CA5B: variants seen among roughly 807,000 people sequenced by gnomAD.
CA5B encodes carbonic anhydrase 5B, mitochondrial.
CA5B carries 15 observed loss-of-function variants against 23.1 expected under a neutral mutation model. That is an observed-to-expected ratio of 0.65 (90% confidence interval 0.43 to 1.00). The LOEUF (loss-of-function observed/expected upper bound fraction) is 1.00. CA5B is among the 50% of genes least tolerant of loss of function. The pLI is 0.00. For synonymous variants in CA5B, 84 were observed against 98.5 expected, an observed-to-expected ratio of 0.85 and a Z score of 0.87; for missense variants, 236 against 252.2, an observed-to-expected ratio of 0.94 and a Z score of 0.43.
intron 2 of CA5B, among the ~76,000 whole-genome samples, chrX:15,755,156 A>G (rs950885242): frequency 2.7e-5 from 3 of 112,201 alleles, no homozygotes; most frequent in South Asian, 3.6e-4. Context: ...GGATGCCCCT[A>G]GATTGTCTTT....
At chrX:15,782,402 A>T (rs1281697604) in intron 7 of CA5B, 83 bp from the exon 8 acceptor site, 1 of 934,482 alleles carries the variant, frequency 1.1e-6, no homozygotes, top group African/African-American at 1.9e-5. Context: ...AATGCTCAGA[A>T]TTGTAAAAAT....
chrX:15,784,063 T>G lies in CA5B; in HGVS notation c.*1399T>G, dbSNP rs1264183725. ...CCACCACGCCCAGCTAATTTTTGTA[T>G]TTTTAGTAGAGATGGGGTTTCACTA... On this transcript the variant is annotated 3_prime_UTR_variant, in exon 8 of 8. Coordinates refer to ENST00000318636, the MANE Select transcript of CA5B (RefSeq NM_007220.4). The G allele has an allele frequency of 2.8e-5, 3 of 108,488 alleles. No individual in the cohort carries two copies. The highest frequency in any genetic ancestry group is 5.7e-5 in the Non-Finnish European group (3 of 52,195). 8.9% of individuals were successfully genotyped at this position (108,488 alleles called of 1,213,427 possible). A position where few individuals can be genotyped will look rare whatever the true frequency, so the allele number is the denominator to read the frequency against.
At position 15,785,393 on chromosome X, in the gene CA5B, T is replaced by C. The variant is rs1270542678; in HGVS notation, c.*2729T>C. The C allele has an allele frequency of 1.8e-5, 2 of 112,555 alleles. No individual in the cohort carries two copies. The highest frequency in any genetic ancestry group is 9.4e-5 in the Admixed American group (1 of 10,590). 9.3% of individuals were successfully genotyped at this position (112,555 alleles called of 1,213,427 possible). On this transcript the variant is annotated 3_prime_UTR_variant, in exon 8 of 8. Coordinates refer to ENST00000318636, the MANE Select transcript of CA5B (RefSeq NM_007220.4). ...CAATGTGGATGAACCTTGAAGGCAT[T>C]ATGCCAAGTGAAATAAGCCAGCCAA...
chrX:15,784,263 C>A lies in CA5B; in HGVS notation c.*1599C>A, dbSNP rs919456594. ...ATTATTATTTTGTATTATTTGCACG[C>A]TGTTACATAGTATATAATGATAATG... On this transcript the variant is annotated 3_prime_UTR_variant, in exon 8 of 8. Transcript: ENST00000318636. 2 of 112,368 alleles carry A rather than the reference C, an allele frequency of 1.8e-5. No homozygotes were observed. Among genetic ancestry groups the A allele is most frequent in the African/African-American group, 6.5e-5 (2 of 30,963 alleles). 9.3% of individuals were successfully genotyped at this position (112,368 alleles called of 1,213,427 possible).
intron 1 of CA5B, among the ~76,000 whole-genome samples, chrX:15,740,378 A>G (rs1237402876): frequency 8.9e-6 from 1 of 112,853 alleles, no homozygotes; most frequent in Non-Finnish European, 1.9e-5. Context: ...GTAAGTTTAA[A>G]TAACCAACTC....
At chrX:15,745,523 AT>A (rs1450622616) in intron 1 of CA5B, 2 of 112,664 alleles carry the variant, frequency 1.8e-5, no homozygotes, top group African/African-American at 6.4e-5. Flanking sequence ...TTTTATCACA[AT>A]TTTTAAAAGG....
At chrX:15,765,108 CCTTTG>C (rs1931680725) in intron 3 of CA5B, 1 of 119,135 alleles carries the variant, frequency 8.4e-6, no homozygotes, top group Non-Finnish European at 1.7e-5. Context: ...TAATTTTTTT[CCTTTG>C]CTTGTTGACT....
intron 2 of CA5B, among the ~76,000 whole-genome samples, chrX:15,758,480 T>C (rs1449559829): frequency 9.0e-6 from 1 of 111,626 alleles, no homozygotes; most frequent in Non-Finnish European, 1.9e-5. Context: ...TTTCAGCGTG[T>C]ACATTTTTGG....
intron 5 of CA5B, 55 bp downstream of exon 5, chrX:15,774,452 G>C: frequency 1.0e-6 from 1 of 971,189 alleles, no homozygotes; most frequent in African/African-American, 1.9e-5. Context: ...TGAAAAGATA[G>C]AACAGTATAA....
rs1347953497 is a variant in CA5B at position 15,786,152 on chromosome X, C to G, written c.*3488C>G. On this transcript the variant is annotated 3_prime_UTR_variant, in exon 8 of 8. Coordinates refer to ENST00000318636, the MANE Select transcript of CA5B (RefSeq NM_007220.4). ...AAGTGCTGGGATTACAGGTGTGAGC[C>G]ACTGTGCCTGGCCTTCCTAGCTGTC... 8.9e-6 allele frequency: 1 copy of G among 112,486 alleles called. No homozygotes were observed. Among genetic ancestry groups the G allele is most frequent in the Non-Finnish European group, 1.9e-5 (1 of 53,419 alleles). 9.3% of individuals were successfully genotyped at this position (112,486 alleles called of 1,213,427 possible).
intron 2 of CA5B, among the ~76,000 whole-genome samples, chrX:15,752,679 C>G (rs748250892): frequency 1.5e-3 from 168 of 109,311 alleles, no homozygotes; most frequent in African/African-American, 5.2e-3. Flanking sequence ...GAGCCGAGAT[C>G]GCGCCACTGC....
At chrX:15,752,283 A>G (rs774512335) in intron 2 of CA5B, among the ~76,000 whole-genome samples, 1 of 111,319 alleles carries the variant, frequency 9.0e-6, no homozygotes, top group Non-Finnish European at 1.9e-5. Flanking sequence ...TCAACCCTAT[A>G]TATCGTGATT....
At chrX:15,754,228 C>G (rs1346889555) in intron 2 of CA5B, among the ~76,000 whole-genome samples, 1 of 112,332 alleles carries the variant, frequency 8.9e-6, no homozygotes, top group Non-Finnish European at 1.9e-5. Context: ...CTTACAATTT[C>G]ATTTCTGGTT....
chrX:15,787,400 C>T lies in CA5B; in HGVS notation c.*4736C>T, dbSNP rs1367187330. ...AGTCCAAGGCCACCTGGAGAACTGT[C>T]TTGTACATGGGTTAGGGTAAAGTTG... On this transcript the variant is annotated 3_prime_UTR_variant, in exon 8 of 8. Transcript: ENST00000318636. 9.0e-6 allele frequency: 1 copy of T among 111,716 alleles called. No homozygotes were observed. Among genetic ancestry groups the T allele is most frequent in the Non-Finnish European group, 1.9e-5 (1 of 53,169 alleles). The allele number at this position is 111,716 out of a possible 1,213,427, so 9.2% of individuals were successfully genotyped here.
rs747267826 is a variant in CA5B at position 15,752,994 on chromosome X, C to T, written c.142+2829C>T. On this transcript the variant is annotated intron_variant, in intron 2 of 7. Transcript: ENST00000318636. ...TTTACCTATAGCGTAGAAGCCCCCC[C>T]AACCCCCACCCCAGCTTTGAGCTGT... is the stretch of plus-strand genomic sequence containing the variant. Among the ~76,000 whole-genome samples, 4 of 111,476 alleles carry T rather than the reference C, an allele frequency of 3.6e-5. No homozygotes were observed. The South Asian group carries it at 1.5e-3, about 42-fold the overall frequency.
intron 1 of CA5B, among the ~76,000 whole-genome samples, chrX:15,748,477 A>G (rs866468864): frequency 9.8e-5 from 11 of 111,825 alleles, no homozygotes; most frequent in Middle Eastern, 9.3e-3. Flanking sequence ...TTGAAAGTTG[A>G]TTACCAGTCC....
At chrX:15,761,964 T>C in intron 2 of CA5B, among the ~76,000 whole-genome samples, 1 of 111,874 alleles carries the variant, frequency 8.9e-6, no homozygotes, top group East Asian at 2.8e-4. Context: ...AACAAAACAC[T>C]GAGGTTAAGA....
chrX:15,776,802 C>A lies in CA5B; in HGVS notation c.707C>A (p.Thr236Asn). 2 of 1,208,235 alleles carry A rather than the reference C, an allele frequency of 1.7e-6. No homozygotes were observed. The highest frequency in any genetic ancestry group is 2.2e-6 in the Non-Finnish European group (2 of 892,282). The stretch of plus-strand genomic sequence containing the variant: ...TGGACCTACTCAGGGTCTCTGACTA[C>A]CCCACCCCTCTCCGAGTCTGTCACC... ...DYWTYSGSLT[T>N]PPLSESVTWI... Residue 236 changes from threonine (T) to asparagine (N), a missense_variant, in exon 7 of 8, where the codon ACC (threonine) becomes AAC (asparagine). This residue lies in a region of CA5B where 170 missense variants were observed against 162.0 expected (regional missense o/e 1.05). Coordinates refer to ENST00000318636, the MANE Select transcript of CA5B (RefSeq NM_007220.4).
intron 1 of CA5B, among the ~76,000 whole-genome samples, chrX:15,748,708 A>ACCC (rs565940460): frequency 5.1e-5 from 3 of 58,294 alleles, no homozygotes; most frequent in African/African-American, 7.6e-5. Context: ...TATAGTGAGA[A>ACCC]CCCCCCCCCC....
Sources: allele counts gnomAD v4.1 joint callset (sites outside exome capture counted in the v4.1 genomes callset), GRCh38; gene constraint gnomAD v4.1.1; regional missense constraint gnomAD v4.1.1; transcripts MANE v1.5; gene names NCBI Gene and HGNC (gene_info 2026-07-23, HGNC 2026-07-21).